Variants in TLN2 observed in about 807,000 individuals in gnomAD.
TLN2 encodes the protein talin-2.
Under a neutral mutation model 294.7 loss-of-function variants are expected in TLN2, and 118 were observed. The ratio of observed to expected loss-of-function variants is 0.40; its 90% confidence interval spans 0.34 to 0.47. The LOEUF is 0.47. TLN2 is among the 20% of genes least tolerant of loss of function. The probability of loss-of-function intolerance (pLI) is 0.84; values close to 1 mark genes in which losing one functional copy is unlikely to be tolerated. For missense variants in TLN2, 3,083 were observed against 3,282.2 expected (o/e 0.94, Z 1.48); for synonymous variants, 1,431 against 1,304.5 (o/e 1.10, Z -2.09).
At chr15:62,588,054 G>T (rs1052706061) in intron 1 of TLN2, among the ~76,000 whole-genome samples, 3 of 151,872 alleles carry the variant, frequency 2.0e-5, no homozygotes, top group Admixed American at 1.3e-4. Flanking sequence ...CTAATTTTTC[G>T]TATTTTTAGT....
chr15:62,465,344 C>T (rs2037068321), intron 1 of TLN2, among the ~76,000 whole-genome samples: 2 of 151,934 alleles, frequency 1.3e-5, no homozygotes, highest in Admixed American at 6.6e-5. Flanking sequence ...GATTCCTGTG[C>T]GGTGCGGCTG....
chr15:62,478,283 A>T (rs1021894953), intron 1 of TLN2, among the ~76,000 whole-genome samples: 2 of 152,174 alleles, frequency 1.3e-5, no homozygotes, highest in African/African-American at 4.8e-5. Flanking sequence ...CTGCATCATG[A>T]CTAGAAGTGG....
intron 3 of TLN2, among the ~76,000 whole-genome samples, chr15:62,627,956 TATGAATTTCATTTTCAATA>T (rs1274146895): frequency 6.6e-6 from 1 of 152,242 alleles, no homozygotes; most frequent in East Asian, 1.9e-4. Flanking sequence ...CTAATTATGC[TATGAATTTCATTTTCAATA>T]GAGAAAATTA....
intron 1 of TLN2, among the ~76,000 whole-genome samples, chr15:62,426,541 G>C (rs935855120): frequency 2.6e-5 from 4 of 152,216 alleles, no homozygotes; most frequent in African/African-American, 9.7e-5. Flanking sequence ...ACAGACCTCA[G>C]CCTGGTCCAG....
rs1243019861 is a variant in TLN2, at chr15:62,675,201, A to G, written c.853-16A>G. Reference sequence around the variant, plus strand: ...AGAGATGCAATAACTGGTCCCGACCACTGTCACTTTTGCAGGAGCATAAGA... The same window carrying G: ...AGAGATGCAATAACTGGTCCCGACCGCTGTCACTTTTGCAGGAGCATAAGA... On this transcript the variant is annotated splice_polypyrimidine_tract_variant and intron_variant, in intron 10 of 58. Coordinates refer to ENST00000636159, the MANE Select transcript of TLN2 (RefSeq NM_015059.3). 2.5e-6 allele frequency: 4 copies of G among 1,613,276 alleles called. No homozygotes were observed. The highest frequency in any genetic ancestry group is 2.7e-5 in the African/African-American group (2 of 74,918).
At chr15:62,499,903 G>T (rs1484600633) in intron 1 of TLN2, among the ~76,000 whole-genome samples, 2 of 152,034 alleles carry the variant, frequency 1.3e-5, no homozygotes, top group Admixed American at 6.6e-5. Context: ...GCTCCTGGCT[G>T]CAAAGTTTCA....
chr15:62,402,981 C>T (rs1281962187), intron 1 of TLN2, among the ~76,000 whole-genome samples: 1 of 152,024 alleles, frequency 6.6e-6, no homozygotes, highest in Non-Finnish European at 1.5e-5. Context: ...GTCCCTCACG[C>T]GTAATCCCAG....
intron 1 of TLN2, among the ~76,000 whole-genome samples, chr15:62,505,828 TG>T (rs1242352854): frequency 6.6e-6 from 1 of 152,076 alleles, no homozygotes; most frequent in Non-Finnish European, 1.5e-5. Context: ...GCCTCTATGA[TG>T]GGGGGCGGAC....
chr15:62,781,531 C>T (rs374642681), intron 44 of TLN2, among the ~76,000 whole-genome samples: 42 of 152,128 alleles, frequency 2.8e-4, no homozygotes, highest in African/African-American at 7.7e-4. Flanking sequence ...AATGAAAAGA[C>T]GGGGAAAGCA....
At chr15:62,488,925 G>A (rs1434468790) in intron 1 of TLN2, among the ~76,000 whole-genome samples, 1 of 152,224 alleles carries the variant, frequency 6.6e-6, no homozygotes, top group East Asian at 1.9e-4. Flanking sequence ...CACTTTGGGA[G>A]GCCGAGGTGG....
At chr15:62,455,932 G>C (rs965383613) in intron 1 of TLN2, among the ~76,000 whole-genome samples, 1 of 152,156 alleles carries the variant, frequency 6.6e-6, no homozygotes, top group Non-Finnish European at 1.5e-5. Flanking sequence ...CTGACACTTT[G>C]CTTTTGCAGA....
intron 3 of TLN2, among the ~76,000 whole-genome samples, chr15:62,631,464 C>T (rs2049815688): frequency 6.6e-6 from 1 of 150,808 alleles, no homozygotes; most frequent in South Asian, 2.1e-4. Flanking sequence ...CTCTTTCTTT[C>T]TCTCTCTCTT....
At chr15:62,784,770 T>A (rs1402110132) in intron 45 of TLN2, 2 of 152,262 alleles carry the variant, frequency 1.3e-5, no homozygotes, top group African/African-American at 4.8e-5. Context: ...TTCTGTGAAA[T>A]TCAGCAAGCT....
At chr15:62,417,500 A>C (rs1191754495) in intron 1 of TLN2, among the ~76,000 whole-genome samples, 2 of 152,200 alleles carry the variant, frequency 1.3e-5, no homozygotes, top group African/African-American at 2.4e-5. Context: ...GACAGTGTTC[A>C]CATATAGAAA....
At chr15:62,645,543 A>G (rs2051727264) in intron 3 of TLN2, among the ~76,000 whole-genome samples, 1 of 152,206 alleles carries the variant, frequency 6.6e-6, no homozygotes, top group South Asian at 2.1e-4. Flanking sequence ...GTTGAAAAAC[A>G]TCTCCTGTAT....
At chr15:62,483,839 A>G (rs534563837) in intron 1 of TLN2, among the ~76,000 whole-genome samples, 1 of 152,340 alleles carries the variant, frequency 6.6e-6, no homozygotes, top group East Asian at 1.9e-4. Flanking sequence ...GCAATCAGTT[A>G]AGTAGCTCCT....
Position 62,653,317 on chromosome 15 carries a change from A to C in TLN2, c.517+3A>C. The C allele has an allele frequency of 6.2e-7, 1 of 1,609,016 alleles. No individual in the cohort carries two copies. The highest frequency in any genetic ancestry group is 8.5e-7 in the Non-Finnish European group (1 of 1,178,340). ...CAAGCTGCACACAGATGATGACCGT[A>C]AGTGTTTGCAGAGGAAGCATGATAC... On this transcript the variant is annotated splice_donor_region_variant and intron_variant, in intron 7 of 58. Coordinates refer to ENST00000636159, the MANE Select transcript of TLN2 (RefSeq NM_015059.3).
intron 37 of TLN2, 121 bp downstream of exon 37, chr15:62,755,814 C>T: frequency 6.0e-6 from 8 of 1,326,660 alleles, no homozygotes; most frequent in Non-Finnish European, 8.2e-6. Context: ...CTAATTCAGT[C>T]TTATGGTTTG....
rs748127583 is a variant in TLN2, at chr15:62,753,750, T to G, written c.4333-23T>G. ...ACCTAGGAGCACGGAGCCTGAGCTG[T>G]GGTTTTTCTCTTCCCTTTCTAGGCT... On this transcript the variant is annotated intron_variant, in intron 35 of 58. Coordinates refer to ENST00000636159, the MANE Select transcript of TLN2 (RefSeq NM_015059.3). 6.3e-6 allele frequency: 10 copies of G among 1,588,342 alleles called. No individual in the cohort carries two copies. The African/African-American group carries it at 1.2e-4, about 19-fold the overall frequency.
Sources: gnomAD v4.1 joint callset for allele counts (sites outside exome capture counted in the v4.1 genomes callset) on GRCh38, gnomAD v4.1.1 for gene constraint, MANE v1.5 for transcripts, NCBI Gene and HGNC (gene_info 2026-07-23, HGNC 2026-07-21) for gene names.